The following SYT1 variants were observed in gnomAD, a reference collection of about 807,000 sequenced individuals.
SYT1 encodes synaptotagmin 1.
A neutral mutation model predicts 44.8 loss-of-function variants in SYT1; 8 were observed. The ratio of observed to expected loss-of-function variants is 0.18; its 90% CI spans 0.10 to 0.32. The LOEUF (loss-of-function observed/expected upper bound fraction) is 0.32, where lower values mean the gene tolerates loss of function less well. SYT1 is among the 10% of genes least tolerant of loss of function. The pLI, the probability that SYT1 is intolerant of heterozygous loss-of-function variation, is 1.00. For missense variants in SYT1, 286 were observed against 509.3 expected (o/e 0.56, Z 4.22); for synonymous variants, 154 against 188.8 (o/e 0.82, Z 1.51).
At position 79,296,010 on chromosome 12, in the gene SYT1, G is replaced by A. The variant is rs1200987063; in HGVS notation, c.475-59G>A. 3.1e-5 allele frequency: 48 copies of A among 1,525,854 alleles called. No individual in the cohort carries two copies. In the East Asian group the frequency reaches 6.6e-4, roughly 21 times the overall value. 94.5% of individuals were successfully genotyped at this position (1,525,854 alleles called of 1,614,324 possible). ...CAATATGCAGCATTGTGAACAAATCGATCTTTTCCAAAATGTCCACTGATA... is the reference window on the plus strand; with the variant it reads ...CAATATGCAGCATTGTGAACAAATCAATCTTTTCCAAAATGTCCACTGATA... On this transcript the variant is annotated intron_variant, in intron 6 of 10. Transcript: ENST00000261205.
At chr12:79,091,268 G>C (rs1240224525) in intron 3 of SYT1, among the ~76,000 whole-genome samples, 1 of 151,964 alleles carries the variant, frequency 6.6e-6, no homozygotes, top group Non-Finnish European at 1.5e-5. Context: ...TTAGCAAAGG[G>C]AAGAAAAACA....
At chr12:79,111,714 A>G (rs1054168174) in intron 3 of SYT1, among the ~76,000 whole-genome samples, 16 of 151,572 alleles carry the variant, frequency 1.1e-4, no homozygotes, top group African/African-American at 3.9e-4. Flanking sequence ...AAGCTAAGAA[A>G]CTTGTCTAGA....
Position 79,199,463 on chromosome 12 carries a change from C to T in SYT1, c.-17-18040C>T, listed in dbSNP as rs531845944. Among the ~76,000 whole-genome samples, 3 of 152,168 alleles carry T rather than the reference C, an allele frequency of 2.0e-5. No individual in the cohort carries two copies. In the East Asian group the frequency reaches 5.8e-4, roughly 29 times the overall value. The stretch of plus-strand genomic sequence containing the variant: ...AAAAAGATTCAGTTACAATATGTGC[C>T]CCATATTGTGTAGGCTTTATTTTCA... On this transcript the variant is annotated intron_variant, in intron 3 of 10. Coordinates refer to ENST00000261205, the MANE Select transcript of SYT1 (RefSeq NM_005639.3).
At chr12:78,936,156 C>T (rs1176306583) in intron 1 of SYT1, among the ~76,000 whole-genome samples, 1 of 151,946 alleles carries the variant, frequency 6.6e-6, no homozygotes, top group East Asian at 1.9e-4. Context: ...TCTTTGTCTA[C>T]AAAGAATTAC....
intron 2 of SYT1, among the ~76,000 whole-genome samples, chr12:79,012,150 G>A (rs1385171275): frequency 1.4e-5 from 2 of 142,286 alleles, no homozygotes; most frequent in South Asian, 2.2e-4. Context: ...AAAAAAAAAA[G>A]GGAGAGAATC....
intron 1 of SYT1, among the ~76,000 whole-genome samples, chr12:78,942,442 C>G (rs950111123): frequency 6.6e-6 from 1 of 152,156 alleles, no homozygotes; most frequent in East Asian, 1.9e-4. Context: ...CTCTCTCCAT[C>G]TTTCCAATTC....
At chr12:79,445,169 T>TTTTA (rs1424569319) in intron 10 of SYT1, among the ~76,000 whole-genome samples, 2 of 151,344 alleles carry the variant, frequency 1.3e-5, no homozygotes, top group Non-Finnish European at 3.0e-5. Flanking sequence ...ATTTATTTTA[T>TTTTA]TTTATTTATT....
At chr12:78,985,076 G>T (rs1191015286) in intron 2 of SYT1, among the ~76,000 whole-genome samples, 3 of 151,690 alleles carry the variant, frequency 2.0e-5, no homozygotes, top group African/African-American at 7.3e-5. Context: ...TACTGAAATT[G>T]TAGGAAAGAA....
intron 3 of SYT1, among the ~76,000 whole-genome samples, chr12:79,157,883 G>C (rs1279846495): frequency 6.6e-6 from 1 of 152,136 alleles, no homozygotes; most frequent in Non-Finnish European, 1.5e-5. Context: ...GAGAGGTTAA[G>C]TGACTTACTA....
intron 9 of SYT1, among the ~76,000 whole-genome samples, chr12:79,442,928 G>C (rs193003161): frequency 6.6e-6 from 1 of 151,974 alleles, no homozygotes; most frequent in Admixed American, 6.6e-5. Flanking sequence ...ATTGCTTTCT[G>C]ATATTTTTTC....
chr12:79,409,021 A>G (rs1868327698), intron 9 of SYT1, among the ~76,000 whole-genome samples: 1 of 152,060 alleles, frequency 6.6e-6, no homozygotes, highest in Non-Finnish European at 1.5e-5. Flanking sequence ...CCAGCATTAC[A>G]TTCTCAGGTG....
chr12:79,367,717 G>A (rs1331903610), intron 9 of SYT1, among the ~76,000 whole-genome samples: 1 of 151,788 alleles, frequency 6.6e-6, no homozygotes, highest in Non-Finnish European at 1.5e-5. Context: ...TGGATTATAC[G>A]TCTGCCTTCT....
At chr12:79,033,775 A>C (rs1041305813) in intron 2 of SYT1, among the ~76,000 whole-genome samples, 4 of 151,504 alleles carry the variant, frequency 2.6e-5, no homozygotes, top group Non-Finnish European at 5.9e-5. Context: ...CTGTCCATTT[A>C]AAAGGAGTGT....
At chr12:79,147,612 A>G (rs949980934) in intron 3 of SYT1, among the ~76,000 whole-genome samples, 10 of 152,350 alleles carry the variant, frequency 6.6e-5, no homozygotes, top group East Asian at 3.9e-4. Flanking sequence ...TTTGATAACT[A>G]TAACTACATT....
intron 9 of SYT1, among the ~76,000 whole-genome samples, chr12:79,437,502 G>A (rs1330836531): frequency 1.3e-5 from 2 of 152,184 alleles, no homozygotes; most frequent in African/African-American, 4.8e-5. Flanking sequence ...GTAGGTATCT[G>A]TCTGCAGGAT....
At chr12:78,901,579 G>A (rs1875666558) in intron 1 of SYT1, among the ~76,000 whole-genome samples, 2 of 152,068 alleles carry the variant, frequency 1.3e-5, no homozygotes. Flanking sequence ...ATTATTATTT[G>A]TGCAAAAAGA....
chr12:78,963,189 C>T (rs1191860137), intron 1 of SYT1, among the ~76,000 whole-genome samples: 2 of 151,920 alleles, frequency 1.3e-5, no homozygotes, highest in African/African-American at 4.8e-5. Context: ...ATATATATGA[C>T]ATTTTCTTAT....
chr12:79,244,363 CTT>C (rs1344548539), intron 4 of SYT1, among the ~76,000 whole-genome samples: 2 of 152,110 alleles, frequency 1.3e-5, no homozygotes, highest in Non-Finnish European at 2.9e-5. Context: ...TCCTTAGAAA[CTT>C]TCATTTTTTC....
At chr12:79,037,861 T>G (rs2137702919) in intron 2 of SYT1, among the ~76,000 whole-genome samples, 1 of 151,982 alleles carries the variant, frequency 6.6e-6, no homozygotes, top group East Asian at 1.9e-4. Context: ...GTAAACATTA[T>G]TATCTTCTAT....
Sources: allele counts gnomAD v4.1 joint callset (sites outside exome capture counted in the v4.1 genomes callset), GRCh38; gene constraint gnomAD v4.1.1; transcripts MANE v1.5; gene names NCBI Gene and HGNC (gene_info 2026-07-23, HGNC 2026-07-21).